Variants in TRHDE observed in about 807,000 individuals in gnomAD.
The protein encoded by TRHDE is thyrotropin-releasing hormone-degrading ectoenzyme.
In TRHDE, 72 loss-of-function variants were observed where a neutral mutation model predicts 125.7. The observed-to-expected ratio is 0.57, with a 90% confidence interval of 0.47 to 0.70. The LOEUF (loss-of-function observed/expected upper bound fraction) is 0.70. Among genes scored for constraint, TRHDE ranks in the 30% least tolerant of loss-of-function variants. The pLI, the probability that TRHDE is intolerant of heterozygous loss-of-function variation, is 0.00. For synonymous variants in TRHDE, 509 were observed against 509.1 expected (o/e 1.00, Z 0.00); for missense variants, 1,110 against 1,327.1 (o/e 0.84, Z 2.54).
At position 72,429,235 on chromosome 12, in the gene TRHDE, C is replaced by A. The variant is rs112399763; in HGVS notation, c.1316-40523C>A. Reference sequence around the variant, plus strand: ...GAGAGGGATAGCATTAGAAGAAATACCTAATGTAGCTGACAGGTTGATGGG... The same window carrying A: ...GAGAGGGATAGCATTAGAAGAAATAACTAATGTAGCTGACAGGTTGATGGG... On this transcript the variant is annotated intron_variant, in intron 3 of 18. Transcript: ENST00000261180. 9.7e-3 allele frequency among the ~76,000 whole-genome samples: 1,475 copies of A among 151,740 alleles called. 34 individuals are homozygous for A. The highest frequency in any genetic ancestry group is 0.033 in the African/African-American group (1,380 of 41,352).
intron 1 of TRHDE, among the ~76,000 whole-genome samples, chr12:72,102,325 C>G (rs1397113224): frequency 7.2e-5 from 11 of 152,082 alleles, no homozygotes; most frequent in Admixed American, 7.2e-4. Flanking sequence ...TTCTTTCAAG[C>G]CAGACTGGTT....
At chr12:72,386,795 C>A (rs1353907960) in intron 3 of TRHDE, among the ~76,000 whole-genome samples, 2 of 152,200 alleles carry the variant, frequency 1.3e-5, no homozygotes, top group Non-Finnish European at 2.9e-5. Flanking sequence ...TTATCTTGAG[C>A]TATCAGCGGC....
At chr12:72,172,051 T>G (rs2139335898) in intron 2 of TRHDE, among the ~76,000 whole-genome samples, 1 of 152,286 alleles carries the variant, frequency 6.6e-6, no homozygotes, top group African/African-American at 2.4e-5. Flanking sequence ...TGGAGTAAGT[T>G]TTTGAGAAGG....
At chr12:72,577,434 G>A (rs889939344) in intron 12 of TRHDE, among the ~76,000 whole-genome samples, 6 of 152,216 alleles carry the variant, frequency 3.9e-5, no homozygotes, top group Non-Finnish European at 8.8e-5. Context: ...GGATCCAGGT[G>A]GTCTGTCTTC....
intron 3 of TRHDE, among the ~76,000 whole-genome samples, chr12:72,380,885 T>TTC (rs1872144718): frequency 6.8e-6 from 1 of 146,620 alleles, no homozygotes; most frequent in African/African-American, 2.5e-5. Context: ...CTTCTTTCTT[T>TTC]CTTCCTTCCT....
intron 2 of TRHDE, among the ~76,000 whole-genome samples, chr12:72,121,825 A>G (rs981737260): frequency 6.8e-6 from 1 of 147,136 alleles, no homozygotes; most frequent in Admixed American, 7.0e-5. Flanking sequence ...ATCTGCCATG[A>G]TCTATGAGAG....
At chr12:72,432,898 T>G (rs1874558790) in intron 3 of TRHDE, among the ~76,000 whole-genome samples, 1 of 152,178 alleles carries the variant, frequency 6.6e-6, no homozygotes, top group Admixed American at 6.5e-5. Context: ...TTCTTGATCT[T>G]AGGGGAAAGC....
At chr12:72,485,092 C>A (rs1045165928) in intron 5 of TRHDE, among the ~76,000 whole-genome samples, 8 of 152,128 alleles carry the variant, frequency 5.3e-5, no homozygotes, top group African/African-American at 1.9e-4. Context: ...ATGGATGCTG[C>A]AGTTTTTGCT....
At chr12:72,227,060 CA>C (rs1381187852) in intron 2 of TRHDE, among the ~76,000 whole-genome samples, 2 of 151,954 alleles carry the variant, frequency 1.3e-5, no homozygotes, top group Admixed American at 6.6e-5. Context: ...CAAAGCATTT[CA>C]AAAACAATGG....
intron 3 of TRHDE, among the ~76,000 whole-genome samples, chr12:72,394,602 T>A (rs768611297): frequency 6.6e-6 from 1 of 152,164 alleles, no homozygotes; most frequent in Non-Finnish European, 1.5e-5. Context: ...TGCCCTTAAC[T>A]TCTATAAATG....
intron 3 of TRHDE, among the ~76,000 whole-genome samples, chr12:72,402,658 A>G (rs1873092688): frequency 6.6e-6 from 1 of 152,188 alleles, no homozygotes; most frequent in African/African-American, 2.4e-5. Context: ...GGTCACATTC[A>G]CAGGTACTGA....
intron 2 of TRHDE, among the ~76,000 whole-genome samples, chr12:72,201,782 G>A (rs1877565631): frequency 6.6e-6 from 1 of 152,162 alleles, no homozygotes; most frequent in South Asian, 2.1e-4. Context: ...CCCTGCTCTG[G>A]TGTTGCCACA....
chr12:72,125,929 G>A (rs1005061011), intron 2 of TRHDE, among the ~76,000 whole-genome samples: 7 of 152,146 alleles, frequency 4.6e-5, no homozygotes, highest in Non-Finnish European at 7.4e-5. Flanking sequence ...AATCTGGGGA[G>A]ACCAAGGTGG....
chr12:72,643,980 G>A (rs1874175774), intron 15 of TRHDE, among the ~76,000 whole-genome samples: 1 of 152,156 alleles, frequency 6.6e-6, no homozygotes, highest in African/African-American at 2.4e-5. Flanking sequence ...TTAGGCCCAG[G>A]TCATGGCAAT....
intron 3 of TRHDE, among the ~76,000 whole-genome samples, chr12:72,383,750 A>T (rs1322199919): frequency 2.0e-5 from 3 of 148,528 alleles, no homozygotes; most frequent in African/African-American, 2.5e-5. Context: ...CCAGATGAGG[A>T]AATTTAGGCA....
chr12:72,118,483 G>A (rs1875500184), intron 2 of TRHDE, among the ~76,000 whole-genome samples: 1 of 152,034 alleles, frequency 6.6e-6, no homozygotes, highest in African/African-American at 2.4e-5. Context: ...TTTTGCATCA[G>A]TATTCATCAG....
intron 2 of TRHDE, among the ~76,000 whole-genome samples, chr12:72,300,237 C>A (rs905991144): frequency 6.6e-6 from 1 of 152,004 alleles, no homozygotes; most frequent in African/African-American, 2.4e-5. Context: ...GTTTTTGAAT[C>A]ATTGTGCTAA....
intron 1 of TRHDE, among the ~76,000 whole-genome samples, chr12:72,280,675 A>T (rs1333945849): frequency 6.6e-6 from 1 of 152,212 alleles, no homozygotes; most frequent in African/African-American, 2.4e-5. Flanking sequence ...AACAAGAGAA[A>T]CACACAAGTC....
chr12:72,212,450 G>GT (rs1461924417), intron 2 of TRHDE, among the ~76,000 whole-genome samples: 1 of 152,004 alleles, frequency 6.6e-6, no homozygotes, highest in Non-Finnish European at 1.5e-5. Flanking sequence ...GAAATAAAAT[G>GT]TTATCAAACC....
Sources: gnomAD v4.1 joint callset for allele counts (sites outside exome capture counted in the v4.1 genomes callset) on GRCh38, gnomAD v4.1.1 for gene constraint, MANE v1.5 for transcripts, NCBI Gene and HGNC (gene_info 2026-07-23, HGNC 2026-07-21) for gene names.